The following C10orf67 variants were observed in gnomAD, a reference collection of about 807,000 sequenced individuals.
C10orf67 encodes the protein uncharacterized protein C10orf67, mitochondrial.
Under a neutral mutation model 35.6 loss-of-function variants are expected in C10orf67, and 60 were observed. The ratio of observed to expected loss-of-function variants is 1.68; its 90% CI spans 1.37 to 2.09. The LOEUF is 2.09. C10orf67 is among the 30% of genes most tolerant of loss of function. The pLI, the probability that C10orf67 is intolerant of heterozygous loss-of-function variation, is 0.00. For synonymous variants in C10orf67, 167 were observed against 115.8 expected, an observed-to-expected ratio of 1.44 and a Z score of -2.84; for missense variants, 474 against 330.2, an observed-to-expected ratio of 1.44 and a Z score of -3.38.
chr10:23,300,752 A>G (rs1011709563), intron 5 of C10orf67, among the ~76,000 whole-genome samples: 1 of 151,950 alleles, frequency 6.6e-6, no homozygotes, highest in Non-Finnish European at 1.5e-5. Flanking sequence ...ACCAATCTCC[A>G]TGTTCTGATT....
In C10orf67 at chr10:23,288,473, G is replaced by A. The variant is rs1277390204; in HGVS notation, c.909+1427C>T. Among the ~76,000 whole-genome samples, 4 of 152,164 alleles carry A rather than the reference G, an allele frequency of 2.6e-5. No homozygotes were observed. The East Asian group carries it at 5.8e-4, about 22-fold the overall frequency. ...AACACACACCAGGGCCTGTTGGGGGGCTGGGGGGTGAGCAGAGAGAACTTA... is the reference window on the plus strand; with the variant it reads ...AACACACACCAGGGCCTGTTGGGGGACTGGGGGGTGAGCAGAGAGAACTTA... On this transcript the variant is annotated intron_variant, in intron 7 of 15. Transcript: ENST00000636213.
chr10:23,229,938 A>C (rs1007545432), intron 13 of C10orf67, among the ~76,000 whole-genome samples: 4 of 152,216 alleles, frequency 2.6e-5, no homozygotes, highest in African/African-American at 9.6e-5. Context: ...TAATTGAAAT[A>C]CCAATTAAAT....
At chr10:23,328,993 CA>C (rs57772405) in intron 2 of C10orf67, among the ~76,000 whole-genome samples, 6,198 of 78,838 alleles carry the variant, frequency 0.079, 122 homozygotes, top group Middle Eastern at 0.095. Context: ...CATAAACGAA[CA>C]AAAAAAAAAA....
intron 1 of C10orf67, among the ~76,000 whole-genome samples, chr10:23,335,647 C>T (rs537255526): frequency 1.0e-3 from 155 of 152,128 alleles, no homozygotes; most frequent in Non-Finnish European, 1.5e-3. Context: ...CTAAAAAAGG[C>T]CATTTAACAT....
At chr10:23,304,532 C>G (rs992826682) in intron 4 of C10orf67, among the ~76,000 whole-genome samples, 7 of 152,138 alleles carry the variant, frequency 4.6e-5, no homozygotes, top group African/African-American at 1.7e-4. Context: ...TGACCCAGCT[C>G]GAGCCCACTC....
chr10:23,311,194 C>T (rs908179311), intron 4 of C10orf67, among the ~76,000 whole-genome samples: 1 of 152,120 alleles, frequency 6.6e-6, no homozygotes, highest in Non-Finnish European at 1.5e-5. Context: ...AACTGAAACC[C>T]AAGAGTCCCA....
chr10:23,219,268 C>G (rs987255902), intron 15 of C10orf67, among the ~76,000 whole-genome samples: 21 of 152,178 alleles, frequency 1.4e-4, no homozygotes, highest in Admixed American at 6.5e-5. Context: ...GTTTCAGATA[C>G]TGATGTTTGA....
intron 15 of C10orf67, among the ~76,000 whole-genome samples, chr10:23,220,723 A>C (rs1841553305): frequency 6.6e-6 from 1 of 152,202 alleles, no homozygotes; most frequent in South Asian, 2.1e-4. Flanking sequence ...GGGGAAAGCA[A>C]GAGTACCCAC....
intron 8 of C10orf67, among the ~76,000 whole-genome samples, chr10:23,270,749 C>T (rs923920053): frequency 2.0e-5 from 3 of 152,242 alleles, no homozygotes; most frequent in African/African-American, 4.8e-5. Context: ...TCTAGCCCAC[C>T]AGTTCTAGGG....
chr10:23,335,300 T>G (rs552877018), intron 1 of C10orf67, among the ~76,000 whole-genome samples: 1 of 152,100 alleles, frequency 6.6e-6, no homozygotes, highest in South Asian at 2.1e-4. Context: ...TGTCATAGAG[T>G]AAGTGCAATT....
intron 2 of C10orf67, among the ~76,000 whole-genome samples, chr10:23,329,896 A>G (rs1564517804): frequency 6.6e-6 from 1 of 152,128 alleles, no homozygotes; most frequent in African/African-American, 2.4e-5. Flanking sequence ...ATAGCAAATA[A>G]TGCAGAAATG....
chr10:23,248,715 G>A (rs1027359371), intron 12 of C10orf67, among the ~76,000 whole-genome samples: 1 of 152,076 alleles, frequency 6.6e-6, no homozygotes. Flanking sequence ...CACTCGCTAC[G>A]GTGCTGTATA....
At chr10:23,318,990 A>AAG in intron 4 of C10orf67, 4 of 725,756 alleles carry the variant, frequency 5.5e-6, no homozygotes, top group South Asian at 4.4e-5. Flanking sequence ...CTTCCATGAG[A>AAG]ACCCTTTTTT....
intron 5 of C10orf67, among the ~76,000 whole-genome samples, chr10:23,292,447 T>C (rs1252192693): frequency 1.3e-5 from 2 of 152,124 alleles, no homozygotes; most frequent in Non-Finnish European, 2.9e-5. Flanking sequence ...GATCTTAAGG[T>C]CATCACAGGT....
intron 7 of C10orf67, among the ~76,000 whole-genome samples, chr10:23,282,375 A>G (rs1401415502): frequency 6.6e-6 from 1 of 152,208 alleles, no homozygotes; most frequent in Non-Finnish European, 1.5e-5. Context: ...AATTTTACTT[A>G]AGGCTTTATG....
chr10:23,269,865 A>T (rs1842972324), intron 8 of C10orf67, among the ~76,000 whole-genome samples: 1 of 152,164 alleles, frequency 6.6e-6, no homozygotes, highest in Admixed American at 6.5e-5. Context: ...CTAATAACAG[A>T]GCTAAAAAAT....
intron 8 of C10orf67, among the ~76,000 whole-genome samples, chr10:23,267,550 T>C (rs1842917509): frequency 6.6e-6 from 1 of 152,230 alleles, no homozygotes; most frequent in South Asian, 2.1e-4. Flanking sequence ...TATTTGCTTA[T>C]GAGGTGATAA....
chr10:23,314,648 G>A (rs1425630290), intron 4 of C10orf67, among the ~76,000 whole-genome samples: 1 of 152,044 alleles, frequency 6.6e-6, no homozygotes, highest in Non-Finnish European at 1.5e-5. Flanking sequence ...GCACAACTGT[G>A]AAAGGATCTG....
At chr10:23,320,617 A>G (rs1282153968) in intron 4 of C10orf67, 124 bp downstream of exon 4, 1 of 678,912 alleles carries the variant, frequency 1.5e-6, no homozygotes. Context: ...TGACCTGAAA[A>G]TCGAGGAAAC....
Sources: gnomAD v4.1 joint callset for allele counts (sites outside exome capture counted in the v4.1 genomes callset) on GRCh38, gnomAD v4.1.1 for gene constraint, MANE v1.5 for transcripts, NCBI Gene and HGNC (gene_info 2026-07-23, HGNC 2026-07-21) for gene names.